STX8: variants seen among roughly 807,000 people sequenced by gnomAD.
The protein encoded by STX8 is syntaxin-8.
STX8 carries 23 observed loss-of-function variants against 37.5 expected under a neutral mutation model. The observed-to-expected ratio is 0.61, with a 90% confidence interval of 0.44 to 0.87. The LOEUF is 0.87. Ranked by LOEUF, STX8 falls within the 40% of genes least tolerant of loss-of-function variation. The pLI, the probability that STX8 is intolerant of heterozygous loss-of-function variation, is 0.00. For missense variants in STX8, 313 were observed against 284.7 expected (o/e 1.10, Z -0.71); for synonymous variants, 115 against 99.1 (o/e 1.16, Z -0.95).
intron 2 of STX8, among the ~76,000 whole-genome samples, chr17:9,567,958 T>C (rs1014243113): frequency 6.6e-6 from 1 of 152,178 alleles, no homozygotes; most frequent in African/African-American, 2.4e-5. Flanking sequence ...AGTGCTGGGA[T>C]TACAGGTGTG....
intron 7 of STX8, among the ~76,000 whole-genome samples, chr17:9,319,335 C>A (rs189666800): frequency 6.6e-6 from 1 of 152,094 alleles, no homozygotes; most frequent in Non-Finnish European, 1.5e-5. Context: ...AGAAGAATGG[C>A]GTGAACCTGG....
intron 7 of STX8, among the ~76,000 whole-genome samples, chr17:9,325,552 C>T (rs1372790480): frequency 6.6e-6 from 1 of 152,178 alleles, no homozygotes; most frequent in African/African-American, 2.4e-5. Context: ...GCCATCTTGA[C>T]ATTCTTGATA....
At chr17:9,449,022 CAA>C (rs1343159349) in intron 6 of STX8, among the ~76,000 whole-genome samples, 1 of 152,078 alleles carries the variant, frequency 6.6e-6, no homozygotes, top group African/African-American at 2.4e-5. Context: ...GAATAAGGTG[CAA>C]CTGAAACTCT....
intron 4 of STX8, among the ~76,000 whole-genome samples, chr17:9,530,975 G>A (rs916544572): frequency 1.3e-5 from 2 of 152,094 alleles, no homozygotes; most frequent in Admixed American, 6.6e-5. Context: ...AATCCTTTTG[G>A]AATTATTTCT....
intron 1 of STX8, among the ~76,000 whole-genome samples, chr17:9,571,728 A>AAC (rs1907699171): frequency 6.6e-6 from 1 of 152,126 alleles, no homozygotes; most frequent in Non-Finnish European, 1.5e-5. Context: ...CAGCCTGGCC[A>AAC]ACATGGCAAA....
At chr17:9,559,758 A>ATTTTTTT (rs1159388418) in intron 2 of STX8, among the ~76,000 whole-genome samples, 61 of 28,350 alleles carry the variant, frequency 2.2e-3, no homozygotes, top group African/African-American at 6.6e-3. Context: ...ATATATATAT[A>ATTTTTTT]TATTTTTTTT....
At chr17:9,290,738 A>G (rs977219238) in intron 7 of STX8, among the ~76,000 whole-genome samples, 1 of 152,224 alleles carries the variant, frequency 6.6e-6, no homozygotes, top group African/African-American at 2.4e-5. Flanking sequence ...TATTTCCAAT[A>G]TATCCGATAT....
At chr17:9,298,777 A>T (rs1417988345) in intron 7 of STX8, among the ~76,000 whole-genome samples, 1 of 152,212 alleles carries the variant, frequency 6.6e-6, no homozygotes, top group Non-Finnish European at 1.5e-5. Flanking sequence ...ACGCCACTGC[A>T]CTCCAGTCTA....
At chr17:9,290,865 C>T (rs1908289047) in intron 7 of STX8, among the ~76,000 whole-genome samples, 1 of 152,100 alleles carries the variant, frequency 6.6e-6, no homozygotes, top group South Asian at 2.1e-4. Flanking sequence ...GTGCAGTAAC[C>T]CTGTCCCCTG....
chr17:9,403,334 A>G (rs189786802), intron 6 of STX8, among the ~76,000 whole-genome samples: 2 of 152,356 alleles, frequency 1.3e-5, no homozygotes, highest in East Asian at 3.9e-4. Context: ...AAAGAAATAA[A>G]ATCTAATTGC....
At chr17:9,371,531 C>A (rs1360937305) in intron 7 of STX8, among the ~76,000 whole-genome samples, 1 of 152,208 alleles carries the variant, frequency 6.6e-6, no homozygotes, top group African/African-American at 2.4e-5. Context: ...AGCTCTTGCA[C>A]CAACCCTCTG....
At chr17:9,387,384 C>T (rs146613920) in intron 6 of STX8, among the ~76,000 whole-genome samples, 1,614 of 152,274 alleles carry the variant, frequency 0.011, 30 homozygotes, top group African/African-American at 0.036. Flanking sequence ...CAAGCTCCGC[C>T]TCCCGGGTTC....
At chr17:9,440,547 C>T (rs1244792357) in intron 6 of STX8, among the ~76,000 whole-genome samples, 16 of 136,594 alleles carry the variant, frequency 1.2e-4, no homozygotes, top group South Asian at 2.3e-4. Flanking sequence ...TTTTTTGAGA[C>T]GGAGTCTCGC....
chr17:9,544,368 C>G (rs578226018), intron 4 of STX8, among the ~76,000 whole-genome samples: 6 of 152,258 alleles, frequency 3.9e-5, no homozygotes, highest in African/African-American at 7.2e-5. Flanking sequence ...TCCAGCAGAA[C>G]CGGGCTCAGA....
chr17:9,438,799 G>A (rs1293878496), intron 6 of STX8, among the ~76,000 whole-genome samples: 2 of 151,902 alleles, frequency 1.3e-5, no homozygotes, highest in Non-Finnish European at 2.9e-5. Flanking sequence ...CGGTGGTGGT[G>A]GCGCCTGTAG....
intron 4 of STX8, among the ~76,000 whole-genome samples, chr17:9,544,875 A>G (rs111388642): frequency 0.013 from 1,958 of 152,074 alleles, 44 homozygotes; most frequent in African/African-American, 0.044. Context: ...GGCGCCTGTA[A>G]TCCCAACTAC....
At chr17:9,558,029 C>T (rs531294478) in intron 2 of STX8, among the ~76,000 whole-genome samples, 3 of 152,290 alleles carry the variant, frequency 2.0e-5, no homozygotes, top group East Asian at 1.9e-4. Context: ...AAACGTTTTA[C>T]GGCAATGTGT....
At chr17:9,297,078 T>C (rs1360720606) in intron 7 of STX8, among the ~76,000 whole-genome samples, 1 of 152,086 alleles carries the variant, frequency 6.6e-6, no homozygotes, top group Non-Finnish European at 1.5e-5. Flanking sequence ...CATGACATGA[T>C]GCTTTGGAAG....
intron 6 of STX8, among the ~76,000 whole-genome samples, chr17:9,390,780 T>A (rs1276754420): frequency 2.2e-5 from 3 of 135,678 alleles, no homozygotes; most frequent in Non-Finnish European, 4.6e-5. Flanking sequence ...GAGGTTGCAG[T>A]GAGCCGAGAT....
Sources: gnomAD v4.1 joint callset for allele counts (sites outside exome capture counted in the v4.1 genomes callset) on GRCh38, gnomAD v4.1.1 for gene constraint, MANE v1.5 for transcripts, NCBI Gene and HGNC (gene_info 2026-07-23, HGNC 2026-07-21) for gene names.